TRPS1: variants seen among roughly 807,000 people sequenced by gnomAD.
TRPS1 encodes zinc finger transcription factor Trps1.
In TRPS1, 6 loss-of-function variants were observed where a neutral mutation model predicts 101.2. The observed-to-expected ratio is 0.06, with a 90% CI of 0.03 to 0.12. The LOEUF (loss-of-function observed/expected upper bound fraction) is 0.12, where lower values mean the gene tolerates loss of function less well. Among genes scored for constraint, TRPS1 ranks in the 10% least tolerant of loss-of-function variants. TRPS1 has a pLI of 1.00. For synonymous variants in TRPS1, 578 were observed against 589.8 expected (o/e 0.98, Z 0.29); for missense variants, 1,363 against 1,567.0 (o/e 0.87, Z 2.20).
intron 5 of TRPS1, among the ~76,000 whole-genome samples, chr8:115,453,214 T>C (rs568282362): frequency 3.3e-5 from 5 of 151,558 alleles, no homozygotes; most frequent in African/African-American, 4.9e-5. Context: ...AGAGACGGGG[T>C]TTCACCATCT....
At chr8:115,620,182 G>GAAAA in intron 2 of TRPS1, 122 bp from the exon 3 acceptor site, 1 of 690,068 alleles carries the variant, frequency 1.4e-6, no homozygotes, top group Non-Finnish European at 2.2e-6. Flanking sequence ...CTTCCTCTAG[G>GAAAA]AAAAAAAAAA....
intron 2 of TRPS1, among the ~76,000 whole-genome samples, chr8:115,620,317 A>G (rs1284459807): frequency 6.6e-6 from 1 of 152,070 alleles, no homozygotes; most frequent in African/African-American, 2.4e-5. Context: ...TGAAGGATTT[A>G]TTTTTATTAC....
intron 5 of TRPS1, among the ~76,000 whole-genome samples, chr8:115,498,407 CTCTCTCTCTATATA>C (rs1182851949): frequency 3.5e-4 from 30 of 85,074 alleles, no homozygotes; most frequent in African/African-American, 1.3e-3. Flanking sequence ...CTCTCTCTCT[CTCTCTCTCTATATA>C]TATATATATA....
chr8:115,455,634 A>G (rs1241702820), intron 5 of TRPS1, among the ~76,000 whole-genome samples: 1 of 152,232 alleles, frequency 6.6e-6, no homozygotes, highest in East Asian at 1.9e-4. Flanking sequence ...ATTTTGAAAC[A>G]GAGCTGAAAG....
At position 115,413,741 on chromosome 8, in the gene TRPS1, GATT is replaced by G; in HGVS notation, c.*279_*281del. On this transcript the variant is annotated 3_prime_UTR_variant, in exon 7 of 7. Coordinates refer to ENST00000395715, the MANE Select transcript of TRPS1 (RefSeq NM_014112.5). ...TTCTAGTCTGGTGATATCTCTTATG[GATT>G]ATTTCCCCAGTACATATTAGCCAAG... is the stretch of plus-strand genomic sequence containing the variant. 2.6e-6 allele frequency: 1 copy of G among 385,904 alleles called. No individual in the cohort carries two copies. Among genetic ancestry groups the G allele is most frequent in the Non-Finnish European group, 4.7e-6 (1 of 213,308 alleles). The allele number at this position is 385,904 out of a possible 1,614,324, so 23.9% of individuals were successfully genotyped here.
chr8:115,562,689 CTGA>C (rs1007010317), intron 5 of TRPS1, among the ~76,000 whole-genome samples: 3 of 151,658 alleles, frequency 2.0e-5, no homozygotes, highest in African/African-American at 7.3e-5. Flanking sequence ...AGACACTGCG[CTGA>C]TAAGATGTTC....
At chr8:115,557,519 A>G (rs1816849568) in intron 5 of TRPS1, among the ~76,000 whole-genome samples, 1 of 152,122 alleles carries the variant, frequency 6.6e-6, no homozygotes, top group Admixed American at 6.6e-5. Context: ...TCCTTGTGAT[A>G]GTGACTGAGT....
At chr8:115,541,380 G>C (rs2130307401) in intron 5 of TRPS1, among the ~76,000 whole-genome samples, 1 of 152,204 alleles carries the variant, frequency 6.6e-6, no homozygotes, top group East Asian at 1.9e-4. Flanking sequence ...CACCACGAAC[G>C]ATAAAGAACA....
intron 5 of TRPS1, among the ~76,000 whole-genome samples, chr8:115,530,220 T>G (rs1490982753): frequency 6.6e-6 from 1 of 152,138 alleles, no homozygotes; most frequent in Non-Finnish European, 1.5e-5. Context: ...AAACCTTTAT[T>G]TTACCTGACT....
At chr8:115,649,197 G>T (rs970051141) in intron 1 of TRPS1, among the ~76,000 whole-genome samples, 1 of 152,206 alleles carries the variant, frequency 6.6e-6, no homozygotes, top group Non-Finnish European at 1.5e-5. Flanking sequence ...ATATAAAGGT[G>T]ATGGCCTTAT....
At chr8:115,638,614 T>C (rs1054737772) in intron 1 of TRPS1, among the ~76,000 whole-genome samples, 1 of 152,088 alleles carries the variant, frequency 6.6e-6, no homozygotes, top group Admixed American at 6.6e-5. Context: ...TTGGACAGGA[T>C]ACAGACAGAA....
Position 115,414,139 on chromosome 8 carries a change from G to C in TRPS1, c.3769C>G (p.Gln1257Glu). The stretch of plus-strand genomic sequence containing the variant: ...CAAAGATGCTGGCATATGCTGCACT[G>C]GAAAGGTCCACTGTCACCATGGCAA... ...MSCHGDSGPF[Q>E]CSICQHLCTD... The change falls in exon 7 of 7, where the codon CAG (glutamine) becomes GAG (glutamate). Residue 1257 changes from glutamine to glutamate, a missense_variant. This residue lies in a region of TRPS1 where 307 missense variants were observed against 392.4 expected (regional missense o/e 0.78). Coordinates refer to ENST00000395715, the MANE Select transcript of TRPS1 (RefSeq NM_014112.5). This position sits in a 1 kb window ranked among gnomAD's most constrained non-coding sequence, Gnocchi z 4.8. The C allele has an allele frequency of 6.2e-7, 1 of 1,613,940 alleles. No homozygotes were observed. Among genetic ancestry groups the C allele is most frequent in the Non-Finnish European group, 8.5e-7 (1 of 1,179,926 alleles).
At chr8:115,422,109 A>ACATT (rs1464167135) in intron 5 of TRPS1, among the ~76,000 whole-genome samples, 2 of 152,192 alleles carry the variant, frequency 1.3e-5, no homozygotes, top group Non-Finnish European at 1.5e-5. Flanking sequence ...TCGTCACTGA[A>ACATT]CATTCTAAGG....
At chr8:115,598,229 AAGT>A (rs1325368623) in intron 4 of TRPS1, among the ~76,000 whole-genome samples, 1 of 152,132 alleles carries the variant, frequency 6.6e-6, no homozygotes, top group Admixed American at 6.6e-5. Flanking sequence ...AAATTTTTCC[AAGT>A]ATGTATAACA....
chr8:115,451,968 AC>A (rs1174719519), intron 5 of TRPS1, among the ~76,000 whole-genome samples: 1 of 151,848 alleles, frequency 6.6e-6, no homozygotes, highest in African/African-American at 2.4e-5. Flanking sequence ...TCCCTCCCCA[AC>A]CCCCACTTCT....
chr8:115,500,750 G>T (rs10102792), intron 5 of TRPS1, among the ~76,000 whole-genome samples: 39,819 of 151,402 alleles, frequency 0.26, 6,095 homozygotes, highest in Middle Eastern at 0.45. Context: ...TTTTGTGTGT[G>T]TTTTTAGTAG....
At chr8:115,627,687 A>G (rs1019318896) in intron 1 of TRPS1, among the ~76,000 whole-genome samples, 6 of 151,846 alleles carry the variant, frequency 4.0e-5, no homozygotes, top group Non-Finnish European at 8.8e-5. Context: ...TAGTAAAGGT[A>G]GTTTAATATT....
intron 3 of TRPS1, among the ~76,000 whole-genome samples, chr8:115,618,882 AT>A (rs1818324980): frequency 6.6e-6 from 1 of 152,210 alleles, no homozygotes; most frequent in African/African-American, 2.4e-5. Flanking sequence ...AGCTTAGCTA[AT>A]TCCATGAAAA....
At chr8:115,518,052 G>A (rs1243566795) in intron 5 of TRPS1, among the ~76,000 whole-genome samples, 6 of 21,904 alleles carry the variant, frequency 2.7e-4, no homozygotes, top group Non-Finnish European at 5.1e-4. Context: ...AGGGCCAGAG[G>A]TCATATCCCA....
Sources: gnomAD v4.1 joint callset for allele counts (sites outside exome capture counted in the v4.1 genomes callset) on GRCh38, gnomAD v4.1.1 for gene constraint, gnomAD v4.1.1 regional missense constraint, Gnocchi (gnomAD v3.1) non-coding constraint, MANE v1.5 for transcripts, NCBI Gene and HGNC (gene_info 2026-07-23, HGNC 2026-07-21) for gene names.